The following ZNF483 variants were observed in gnomAD, a reference collection of about 807,000 sequenced individuals.
The protein encoded by ZNF483 is zinc finger protein 483, also known as zinc finger protein HIT-10.
In ZNF483, 9 loss-of-function variants were observed where a neutral mutation model predicts 28.6. The ratio of observed to expected loss-of-function variants is 0.32; its 90% CI spans 0.19 to 0.55. The LOEUF is 0.55. Among genes scored for constraint, ZNF483 ranks in the 20% least tolerant of loss-of-function variants. The probability of loss-of-function intolerance (pLI) is 0.93; values close to 1 mark genes in which losing one functional copy is unlikely to be tolerated. For synonymous variants in ZNF483, 322 were observed against 306.2 expected, an observed-to-expected ratio of 1.05 and a Z score of -0.54; for missense variants, 675 against 871.7, an observed-to-expected ratio of 0.77 and a Z score of 2.84.
intron 5 of ZNF483, among the ~76,000 whole-genome samples, chr9:111,535,735 C>T (rs1243886817): frequency 1.3e-5 from 2 of 149,122 alleles, no homozygotes; most frequent in African/African-American, 5.0e-5. Context: ...TTAGTAGAGG[C>T]GGGGTTTCAC....
chr9:111,556,551 C>T (rs1828128801), downstream of ZNF483, among the ~76,000 whole-genome samples: 1 of 152,240 alleles, frequency 6.6e-6, no homozygotes, highest in Non-Finnish European at 1.5e-5. Context: ...GGCAGAGACT[C>T]CCAAACCTCA....
intron 5 of ZNF483, chr9:111,575,329 G>C (rs934602043): frequency 2.6e-5 from 4 of 152,318 alleles, no homozygotes; most frequent in Admixed American, 6.6e-5. Context: ...AAATAAACAG[G>C]CTTTTTCATT....
chr9:111,558,009 T>C (rs1426863077), downstream of ZNF483, among the ~76,000 whole-genome samples: 2 of 152,116 alleles, frequency 1.3e-5, no homozygotes, highest in Non-Finnish European at 2.9e-5. Context: ...TAGCCAGGCA[T>C]GGTGGTGCGC....
In ZNF483 at chr9:111,544,270, T is replaced by G; in HGVS notation, c.*1100T>G. 1 of 985,398 alleles carries G rather than the reference T, an allele frequency of 1.0e-6. No homozygotes were observed. The highest frequency in any genetic ancestry group is 1.2e-6 in the Non-Finnish European group (1 of 829,934). 61.0% of individuals were successfully genotyped at this position (985,398 alleles called of 1,614,324 possible). A position where few individuals can be genotyped will look rare whatever the true frequency, so the allele number is the denominator to read the frequency against. On this transcript the variant is annotated 3_prime_UTR_variant, in exon 6 of 6. Coordinates refer to ENST00000309235, the MANE Select transcript of ZNF483 (RefSeq NM_133464.5). ...ACAATTTTGCCTGTAGCAAGTACAT[T>G]TTTTTGCAATTGGAGTGTAAACATT... is the stretch of plus-strand genomic sequence containing the variant.
At chr9:111,533,408 A>G (rs760696943) in intron 3 of ZNF483, among the ~76,000 whole-genome samples, 1 of 152,216 alleles carries the variant, frequency 6.6e-6, no homozygotes, top group Non-Finnish European at 1.5e-5. Context: ...CAGGCTGGGC[A>G]CAGTGGCTCA....
Position 111,530,896 on chromosome 9 carries a change from C to A in ZNF483, c.434C>A (p.Thr145Asn). ...CTAGATCCAGTCTCTCAAGATTCTA[C>A]TGTTTCCCAAGAGGAGAACTCAAAA... ...EEKDPVSQDS[T>N]VSQEENSKED... The change falls in exon 3 of 6, where the codon ACT becomes AAT. Residue 145 changes from threonine (T) to asparagine (N), a missense_variant. By Grantham distance (65) the Thr-to-Asn change is moderately conservative. This residue lies in a region of ZNF483 where 525 missense variants were observed against 581.8 expected (regional missense o/e 0.90). Transcript: ENST00000309235. The A allele has an allele frequency of 2.0e-6, 3 of 1,518,936 alleles. No individual in the cohort carries two copies. The highest frequency in any genetic ancestry group is 2.7e-6 in the Non-Finnish European group (3 of 1,119,474). 94.1% of individuals were successfully genotyped at this position (1,518,936 alleles called of 1,614,324 possible). A position where few individuals can be genotyped will look rare whatever the true frequency, so the allele number is the denominator to read the frequency against.
chr9:111,543,468 T>G lies in ZNF483; in HGVS notation c.*298T>G, dbSNP rs986976554. The G allele has an allele frequency of 9.1e-7, 1 of 1,094,676 alleles. No individual in the cohort carries two copies. Among genetic ancestry groups the G allele is most frequent in the African/African-American group, 1.7e-5 (1 of 60,590 alleles). 67.8% of individuals were successfully genotyped at this position (1,094,676 alleles called of 1,614,324 possible). A position where few individuals can be genotyped will look rare whatever the true frequency, so the allele number is the denominator to read the frequency against. ...TCTGATTTCTTCTACTACCATGTAG[T>G]GTGATGGAGAGAACTTGACTGCAGT... On this transcript the variant is annotated 3_prime_UTR_variant, in exon 6 of 6. Transcript: ENST00000309235.
At position 111,542,753 on chromosome 9, in the gene ZNF483, A is replaced by G. The variant is rs148512199; in HGVS notation, c.1818A>G (p.Pro606=). The change falls in exon 6 of 6, where the codon CCA becomes CCG. Residue 606 remains proline, a synonymous_variant. Coordinates refer to ENST00000309235, the MANE Select transcript of ZNF483 (RefSeq NM_133464.5). This position sits in a 1 kb window ranked among gnomAD's most constrained non-coding sequence, Gnocchi z 6.2. The part of the protein sequence containing the change: ...RHQRIHTGEK[P]YLCNDCGMTF... ...AGAGAATTCACACTGGAGAAAAACC[A>G]TATTTGTGTAATGATTGCGGAATGA... is the stretch of plus-strand genomic sequence containing the variant. 5.3e-5 allele frequency: 86 copies of G among 1,613,994 alleles called. No homozygotes were observed. Among genetic ancestry groups the G allele is most frequent in the South Asian group, 9.9e-5 (9 of 91,086 alleles).
intron 2 of ZNF483, 111 bp from the exon 3 acceptor site, chr9:111,530,756 AATATATAT>A (rs60541488): frequency 0.012 from 875 of 70,528 alleles, 8 homozygotes; most frequent in Non-Finnish European, 0.019. Flanking sequence ...ATCACTTAGA[AATATATAT>A]ATATATATAT....
At chr9:111,561,969 TCTGCCTCCTGGGCTCAAGCGATTTTC>T (rs1828336994) in intron 5 of ZNF483, among the ~76,000 whole-genome samples, 1 of 152,190 alleles carries the variant, frequency 6.6e-6, no homozygotes, top group Admixed American at 6.5e-5. Context: ...CACTGCAACG[TCTGCCTCCTGGGCTCAAGCGATTTTC>T]CTGCCTCAGC....
rs1390182062 is a variant in ZNF483 at position 111,563,083 on chromosome 9, T to A, written c.722-13282T>A. 1.9e-6 allele frequency: 3 copies of A among 1,602,394 alleles called. No homozygotes were observed. In the African/African-American group the frequency reaches 4.0e-5, roughly 22 times the overall value. On this transcript the variant is annotated intron_variant, in intron 5 of 5. Coordinates refer to the ZNF483 transcript ENST00000358151. ...AAATGGTGAAAAACAAATTAACTAA[T>A]CATCTAAATGGCCTCCAGATTCCAT...
chr9:111,572,743 C>T (rs1335915960), intron 5 of ZNF483, among the ~76,000 whole-genome samples: 5 of 103,108 alleles, frequency 4.8e-5, no homozygotes, highest in Admixed American at 4.3e-4. Context: ...GGCAACAAAG[C>T]GAGACCCTGT....
chr9:111,559,519 C>G (rs1564606997), downstream of ZNF483, among the ~76,000 whole-genome samples: 1 of 151,998 alleles, frequency 6.6e-6, no homozygotes. Context: ...TTTGCTTGGG[C>G]TCCAACTCCC....
Position 111,543,715 on chromosome 9 carries a change from T to A in ZNF483, c.*545T>A. Reference sequence around the variant, plus strand: ...TTTTTATTTGTCATTACTTTCAAGTTTCTCTAGTAAAAAATACAATACCAC... The same window carrying A: ...TTTTTATTTGTCATTACTTTCAAGTATCTCTAGTAAAAAATACAATACCAC... On this transcript the variant is annotated 3_prime_UTR_variant, in exon 6 of 6. Coordinates refer to ENST00000309235, the MANE Select transcript of ZNF483 (RefSeq NM_133464.5). 1 of 971,942 alleles carries A rather than the reference T, an allele frequency of 1.0e-6. No individual in the cohort carries two copies. The highest frequency in any genetic ancestry group is 1.1e-4 in the East Asian group (1 of 8,786). The allele number at this position is 971,942 out of a possible 1,614,324, so 60.2% of individuals were successfully genotyped here. A position where few individuals can be genotyped will look rare whatever the true frequency, so the allele number is the denominator to read the frequency against.
intron 3 of ZNF483, 95 bp from the exon 4 acceptor site, chr9:111,533,643 CG>C (rs1478875398): frequency 7.8e-7 from 1 of 1,286,314 alleles, no homozygotes; most frequent in Non-Finnish European, 1.0e-6. Context: ...CACTCTAACA[CG>C]GGCGACAGAG....
chr9:111,554,180 G>A lies in ZNF483; in HGVS notation c.*11010G>A, dbSNP rs2132290322. 6.6e-6 allele frequency among the ~76,000 whole-genome samples: 1 copy of A among 152,224 alleles called. No homozygotes were observed. The highest frequency in any genetic ancestry group is 1.9e-4 in the East Asian group (1 of 5,180). On this transcript the variant is annotated 3_prime_UTR_variant, in exon 6 of 6. Coordinates refer to ENST00000309235, the MANE Select transcript of ZNF483 (RefSeq NM_133464.5). ...CACAAACTACTACTATTATGTTATT[G>A]GAACTAACTACTTAGCAAATGGAAT... is the stretch of plus-strand genomic sequence containing the variant.
At chr9:111,529,150 A>G (rs1442932528) in intron 2 of ZNF483, among the ~76,000 whole-genome samples, 1 of 151,552 alleles carries the variant, frequency 6.6e-6, no homozygotes, top group Non-Finnish European at 1.5e-5. Flanking sequence ...AAAAAAAAAG[A>G]TTGATTTCTA....
chr9:111,573,181 A>T (rs1828903847), intron 5 of ZNF483, among the ~76,000 whole-genome samples: 1 of 152,192 alleles, frequency 6.6e-6, no homozygotes, highest in African/African-American at 2.4e-5. Flanking sequence ...GCTATTCCTA[A>T]TCGGACTGTG....
rs952953002 is a variant in ZNF483, at chr9:111,550,680, C to G, written c.*7510C>G. On this transcript the variant is annotated 3_prime_UTR_variant, in exon 6 of 6. Transcript: ENST00000309235. ...ACTCTATCCATGTCTTTGATTTTTCCTGCTTTCTTGAAGATTTCTTCAACT... is the reference window on the plus strand; with the variant it reads ...ACTCTATCCATGTCTTTGATTTTTCGTGCTTTCTTGAAGATTTCTTCAACT... Among the ~76,000 whole-genome samples, 1 of 152,184 alleles carries G rather than the reference C, an allele frequency of 6.6e-6. No homozygotes were observed. The highest frequency in any genetic ancestry group is 1.5e-5 in the Non-Finnish European group (1 of 68,024).
Sources: gnomAD v4.1 joint callset for allele counts (sites outside exome capture counted in the v4.1 genomes callset) on GRCh38, gnomAD v4.1.1 for gene constraint, gnomAD v4.1.1 regional missense constraint, Gnocchi (gnomAD v3.1) non-coding constraint, MANE v1.5 for transcripts, NCBI Gene and HGNC (gene_info 2026-07-23, HGNC 2026-07-21) for gene names.